Variants in LRRC4C observed in about 807,000 individuals in gnomAD.
LRRC4C encodes leucine rich repeat containing 4C.
LRRC4C carries 5 observed loss-of-function variants against 33.6 expected under a neutral mutation model. The ratio of observed to expected loss-of-function variants is 0.15; its 90% CI spans 0.08 to 0.31. LRRC4C has a LOEUF of 0.31. LRRC4C is among the 10% of genes least tolerant of loss of function. The pLI is 1.00. For missense variants in LRRC4C, 560 were observed against 796.7 expected (o/e 0.70, Z 3.58); for synonymous variants, 329 against 302.0 (o/e 1.09, Z -0.93).
At chr11:40,442,040 G>GGA in intron 3 of LRRC4C, among the ~76,000 whole-genome samples, 1 of 151,950 alleles carries the variant, frequency 6.6e-6, no homozygotes, top group East Asian at 2.0e-4. Flanking sequence ...GCAGGCGACT[G>GGA]TAGTCTCAGC....
intron 1 of LRRC4C, among the ~76,000 whole-genome samples, chr11:41,355,193 T>C (rs943689503): frequency 5.3e-5 from 8 of 152,132 alleles, no homozygotes; most frequent in Non-Finnish European, 1.2e-4. Flanking sequence ...AAAGAAGGCA[T>C]ACAAGTGACC....
chr11:41,239,219 G>A (rs1443984901), intron 1 of LRRC4C, among the ~76,000 whole-genome samples: 1 of 149,626 alleles, frequency 6.7e-6, no homozygotes, highest in African/African-American at 2.5e-5. Flanking sequence ...CTACTCGGGA[G>A]GCTGAGGCAG....
At chr11:41,415,060 AG>A (rs1954626501) in intron 1 of LRRC4C, among the ~76,000 whole-genome samples, 1 of 152,158 alleles carries the variant, frequency 6.6e-6, no homozygotes, top group Non-Finnish European at 1.5e-5. Flanking sequence ...TTCCACATAC[AG>A]TGCATCTGCT....
chr11:40,828,631 G>A (rs1019910640), intron 2 of LRRC4C, among the ~76,000 whole-genome samples: 3 of 151,748 alleles, frequency 2.0e-5, no homozygotes, highest in Non-Finnish European at 4.4e-5. Context: ...TCAGAAAACT[G>A]ACAGGAAAAA....
chr11:41,281,409 A>G (rs1365149659), intron 1 of LRRC4C, among the ~76,000 whole-genome samples: 1 of 152,194 alleles, frequency 6.6e-6, no homozygotes, highest in Non-Finnish European at 1.5e-5. Flanking sequence ...GAAATAGACT[A>G]CATAGCGCTC....
At chr11:40,566,951 C>T (rs1442029595) in intron 3 of LRRC4C, among the ~76,000 whole-genome samples, 1 of 152,022 alleles carries the variant, frequency 6.6e-6, no homozygotes. Context: ...GATCTTAGGT[C>T]ATTTATACTA....
At chr11:41,378,544 G>A (rs955464135) in intron 1 of LRRC4C, among the ~76,000 whole-genome samples, 3 of 152,092 alleles carry the variant, frequency 2.0e-5, no homozygotes, top group African/African-American at 7.2e-5. Flanking sequence ...AAACAGTTCT[G>A]GGAAATATCC....
chr11:40,772,480 G>A (rs1454538379), intron 2 of LRRC4C, among the ~76,000 whole-genome samples: 1 of 152,090 alleles, frequency 6.6e-6, no homozygotes, highest in African/African-American at 2.4e-5. Context: ...TGTATAAGGA[G>A]CTCAAACAAC....
chr11:40,890,256 T>G (rs376713061), intron 2 of LRRC4C, among the ~76,000 whole-genome samples: 1 of 152,216 alleles, frequency 6.6e-6, no homozygotes, highest in Non-Finnish European at 1.5e-5. Context: ...CTCACACTTC[T>G]GAAGGCTGGG....
At chr11:41,308,405 G>A (rs999164462) in intron 1 of LRRC4C, among the ~76,000 whole-genome samples, 5 of 152,100 alleles carry the variant, frequency 3.3e-5, no homozygotes, top group Non-Finnish European at 5.9e-5. Context: ...GCAGTAGAAC[G>A]TGACATTACC....
chr11:40,303,088 G>T (rs1163756043), intron 4 of LRRC4C, among the ~76,000 whole-genome samples: 1 of 152,084 alleles, frequency 6.6e-6, no homozygotes, highest in Non-Finnish European at 1.5e-5. Flanking sequence ...AATAAGAAGT[G>T]ACATGATAAG....
intron 1 of LRRC4C, among the ~76,000 whole-genome samples, chr11:41,182,092 A>G (rs1045375458): frequency 1.3e-5 from 2 of 152,174 alleles, no homozygotes; most frequent in Non-Finnish European, 2.9e-5. Flanking sequence ...GGATATTATA[A>G]CTATTTAATG....
intron 3 of LRRC4C, among the ~76,000 whole-genome samples, chr11:40,348,390 CTT>C (rs1947233573): frequency 6.6e-6 from 1 of 152,036 alleles, no homozygotes; most frequent in African/African-American, 2.4e-5. Context: ...AAGAAACAGA[CTT>C]AGTATATTTA....
chr11:41,297,602 G>A (rs1353485047), intron 1 of LRRC4C, among the ~76,000 whole-genome samples: 1 of 152,106 alleles, frequency 6.6e-6, no homozygotes, highest in Non-Finnish European at 1.5e-5. Flanking sequence ...CCCTGCCCTT[G>A]CTGAAGTATT....
Position 41,256,698 on chromosome 11 carries a change from G to A in LRRC4C, c.-496+202733C>T, listed in dbSNP as rs756642110. Among the ~76,000 whole-genome samples the A allele has an allele frequency of 8.4e-4, 128 of 151,934 alleles. 1 individual carries two copies. The highest frequency in any genetic ancestry group is 8.1e-4 in the Non-Finnish European group (55 of 67,922). ...AAAATAACCACCTCTCATATCATGC[G>A]TGTTGTCTTACATTGAGAGGAAGTG... is the stretch of plus-strand genomic sequence containing the variant. On this transcript the variant is annotated intron_variant, in intron 1 of 6. Transcript: ENST00000528697.
chr11:41,022,459 C>T (rs1391101952), intron 1 of LRRC4C, among the ~76,000 whole-genome samples: 7 of 151,746 alleles, frequency 4.6e-5, no homozygotes, highest in Admixed American at 2.0e-4. Flanking sequence ...CTATGTGTTT[C>T]GAGGGCTACA....
At chr11:41,082,157 A>G (rs1939622853) in intron 1 of LRRC4C, among the ~76,000 whole-genome samples, 1 of 152,146 alleles carries the variant, frequency 6.6e-6, no homozygotes, top group East Asian at 1.9e-4. Flanking sequence ...AAGTCCATGA[A>G]GAATGAAATG....
At chr11:40,198,689 T>C (rs1011683329) in intron 5 of LRRC4C, among the ~76,000 whole-genome samples, 1 of 152,220 alleles carries the variant, frequency 6.6e-6, no homozygotes, top group Admixed American at 6.5e-5. Context: ...ATCTGAGATA[T>C]GGAATAATTC....
At chr11:41,095,739 C>T (rs1940767481) in intron 1 of LRRC4C, among the ~76,000 whole-genome samples, 1 of 152,148 alleles carries the variant, frequency 6.6e-6, no homozygotes, top group Non-Finnish European at 1.5e-5. Flanking sequence ...TTGGGTTTTA[C>T]ATTAGAAAGT....
Sources: gnomAD v4.1 joint callset for allele counts (sites outside exome capture counted in the v4.1 genomes callset) on GRCh38, gnomAD v4.1.1 for gene constraint, MANE v1.5 for transcripts, NCBI Gene and HGNC (gene_info 2026-07-23, HGNC 2026-07-21) for gene names.